Variants in PTPN21 observed in about 807,000 individuals in gnomAD.
PTPN21 encodes tyrosine-protein phosphatase non-receptor type 21.
A neutral mutation model predicts 131.8 loss-of-function variants in PTPN21; 77 were observed. That is an observed-to-expected ratio of 0.58 (90% confidence interval 0.49 to 0.71). PTPN21 has a LOEUF of 0.71. Among genes scored for constraint, PTPN21 ranks in the 30% least tolerant of loss-of-function variants. The pLI, the probability that PTPN21 is intolerant of heterozygous loss-of-function variation, is 0.00. For synonymous variants in PTPN21, 715 were observed against 621.3 expected (o/e 1.15, Z -2.24); for missense variants, 1,552 against 1,527.1 (o/e 1.02, Z -0.27).
intron 2 of PTPN21, among the ~76,000 whole-genome samples, chr14:88,518,386 G>GTGTGTATGTATATATATATATATA (rs1259300832): frequency 1.0e-4 from 1 of 9,708 alleles, no homozygotes; most frequent in Non-Finnish European, 2.2e-4. Context: ...GTGTGTGTGT[G>GTGTGTATGTATATATATATATATA]TATATATATA....
At chr14:88,502,047 G>A (rs1452759071) in intron 6 of PTPN21, among the ~76,000 whole-genome samples, 2 of 152,126 alleles carry the variant, frequency 1.3e-5, no homozygotes, top group East Asian at 3.9e-4. Flanking sequence ...TCGAACGCAG[G>A]GAATAAGGGT....
intron 2 of PTPN21, among the ~76,000 whole-genome samples, chr14:88,537,777 T>G (rs4904454): frequency 0.54 from 81,550 of 152,050 alleles, 24,584 homozygotes; most frequent in Middle Eastern, 0.69. Context: ...TGTGTGAACA[T>G]TATGGAGTGT....
intron 2 of PTPN21, among the ~76,000 whole-genome samples, chr14:88,518,872 T>C (rs1264783276): frequency 6.6e-6 from 1 of 152,108 alleles, no homozygotes; most frequent in African/African-American, 2.4e-5. Context: ...ATTTCTAGTA[T>C]TCAGATGCAA....
chr14:88,546,967 G>C (rs2139364133), intron 2 of PTPN21, among the ~76,000 whole-genome samples: 1 of 152,210 alleles, frequency 6.6e-6, no homozygotes, highest in South Asian at 2.1e-4. Context: ...GGAAATTGTG[G>C]GACAGACTCT....
chr14:88,487,829 GGTGGCAGGCGCC>G (rs2077760106), intron 10 of PTPN21, among the ~76,000 whole-genome samples: 1 of 152,010 alleles, frequency 6.6e-6, no homozygotes, highest in Non-Finnish European at 1.5e-5. Context: ...AGCCAGGCGC[GGTGGCAGGCGCC>G]TGTAATCCCA....
At chr14:88,537,791 T>G (rs984729166) in intron 2 of PTPN21, among the ~76,000 whole-genome samples, 1 of 152,200 alleles carries the variant, frequency 6.6e-6, no homozygotes, top group Non-Finnish European at 1.5e-5. Flanking sequence ...GGAGTGTACT[T>G]ACACAAACCT....
chr14:88,538,272 T>C (rs2078657785), intron 2 of PTPN21, among the ~76,000 whole-genome samples: 1 of 152,324 alleles, frequency 6.6e-6, no homozygotes, highest in East Asian at 1.9e-4. Flanking sequence ...ACCTTTCTCC[T>C]TGCTTGGATG....
chr14:88,507,815 A>C, intron 4 of PTPN21, 108 bp downstream of exon 4: 1 of 566,762 alleles, frequency 1.8e-6, no homozygotes. Context: ...TAATATATAA[A>C]CACTACTAAA....
intron 4 of PTPN21, among the ~76,000 whole-genome samples, chr14:88,505,805 A>T (rs549159512): frequency 2.5e-3 from 388 of 152,328 alleles, no homozygotes; most frequent in Non-Finnish European, 3.4e-3. Flanking sequence ...AATATTTTTT[A>T]AAAAATTGAC....
intron 2 of PTPN21, among the ~76,000 whole-genome samples, chr14:88,519,800 TG>T (rs2078362101): frequency 6.6e-6 from 1 of 152,232 alleles, no homozygotes; most frequent in Non-Finnish European, 1.5e-5. Flanking sequence ...GCTTCTTAGT[TG>T]CCACCCAAGT....
chr14:88,484,536 A>C (rs927483341), intron 12 of PTPN21, among the ~76,000 whole-genome samples: 2 of 152,162 alleles, frequency 1.3e-5, no homozygotes, highest in Non-Finnish European at 2.9e-5. Flanking sequence ...CTTAAAGGCT[A>C]ATAGGGTGGT....
At chr14:88,507,165 A>T (rs2078104014) in intron 4 of PTPN21, among the ~76,000 whole-genome samples, 1 of 152,242 alleles carries the variant, frequency 6.6e-6, no homozygotes, top group Admixed American at 6.5e-5. Context: ...AGTGTACTTA[A>T]ACTGTAAGCG....
intron 15 of PTPN21, among the ~76,000 whole-genome samples, chr14:88,471,844 T>C (rs1287753874): frequency 6.6e-6 from 1 of 151,602 alleles, no homozygotes; most frequent in Non-Finnish European, 1.5e-5. Context: ...AGGTCAAGGC[T>C]GTAGGGAGCC....
chr14:88,523,244 C>A (rs1158505873), intron 2 of PTPN21, among the ~76,000 whole-genome samples: 1 of 151,940 alleles, frequency 6.6e-6, no homozygotes, highest in Non-Finnish European at 1.5e-5. Context: ...GGATTATACA[C>A]CATGACTAAG....
intron 12 of PTPN21, among the ~76,000 whole-genome samples, chr14:88,480,815 C>G (rs2077643164): frequency 6.6e-6 from 1 of 152,146 alleles, no homozygotes; most frequent in Non-Finnish European, 1.5e-5. Flanking sequence ...AATATGAGAG[C>G]TTCGACTGTA....
chr14:88,497,613 CA>C (rs1054317829), intron 8 of PTPN21, among the ~76,000 whole-genome samples: 1 of 149,440 alleles, frequency 6.7e-6, no homozygotes, highest in Non-Finnish European at 1.5e-5. Flanking sequence ...ACTAAAAATA[CA>C]AAAAAAAAGA....
chr14:88,515,026 G>A (rs1312733179), intron 3 of PTPN21: 1 of 152,056 alleles, frequency 6.6e-6, no homozygotes, highest in Non-Finnish European at 1.5e-5. Context: ...GGATGTAATA[G>A]ACAGAACTCT....
intron 2 of PTPN21, among the ~76,000 whole-genome samples, chr14:88,524,460 A>G (rs2078445418): frequency 6.6e-6 from 1 of 152,232 alleles, no homozygotes. Context: ...CATACCATAT[A>G]TAAAAATTAA....
intron 10 of PTPN21, among the ~76,000 whole-genome samples, chr14:88,494,880 G>C (rs1315199305): frequency 6.6e-6 from 1 of 151,684 alleles, no homozygotes; most frequent in African/African-American, 2.4e-5. Context: ...GGGCGTGGTG[G>C]CATGTGCCTG....
Sources: gnomAD v4.1 joint callset for allele counts (sites outside exome capture counted in the v4.1 genomes callset) on GRCh38, gnomAD v4.1.1 for gene constraint, MANE v1.5 for transcripts, NCBI Gene and HGNC (gene_info 2026-07-23, HGNC 2026-07-21) for gene names.